Variants in SNTB2 observed in about 807,000 individuals in gnomAD.
The protein encoded by SNTB2 is beta-2-syntrophin.
Under a neutral mutation model 46.2 loss-of-function variants are expected in SNTB2, and 34 were observed. The ratio of observed to expected loss-of-function variants is 0.74; its 90% CI spans 0.56 to 0.98. The LOEUF (loss-of-function observed/expected upper bound fraction) is 0.98, where lower values mean the gene tolerates loss of function less well. Among genes scored for constraint, SNTB2 ranks in the 50% least tolerant of loss-of-function variants. SNTB2 has a pLI of 0.00. For synonymous variants in SNTB2, 290 were observed against 312.6 expected (o/e 0.93, Z 0.76); for missense variants, 603 against 731.4 (o/e 0.82, Z 2.02).
chr16:69,280,474 G>C (rs1965029542), intron 4 of SNTB2, among the ~76,000 whole-genome samples: 1 of 150,106 alleles, frequency 6.7e-6, no homozygotes, highest in Admixed American at 6.6e-5. Context: ...GGACGGGGCG[G>C]CTGGCTGGGC....
intron 1 of SNTB2, among the ~76,000 whole-genome samples, chr16:69,218,645 TCTC>T (rs1964371917): frequency 6.6e-6 from 1 of 152,056 alleles, no homozygotes; most frequent in Admixed American, 6.6e-5. Context: ...ATGGTCTTGA[TCTC>T]CTGACCTCGT....
intron 3 of SNTB2, among the ~76,000 whole-genome samples, chr16:69,261,664 A>G (rs1431387399): frequency 2.0e-5 from 3 of 152,056 alleles, no homozygotes; most frequent in Admixed American, 6.6e-5. Context: ...CATTGTTTCT[A>G]TATTTTATAT....
chr16:69,199,041 C>T (rs148714779), intron 1 of SNTB2, among the ~76,000 whole-genome samples: 3,495 of 151,800 alleles, frequency 0.023, 134 homozygotes, highest in African/African-American at 0.08. Context: ...GGATTACAGG[C>T]GCACGCCACC....
chr16:69,209,006 C>A (rs1384957113), intron 1 of SNTB2, among the ~76,000 whole-genome samples: 1 of 145,714 alleles, frequency 6.9e-6, no homozygotes, highest in Non-Finnish European at 1.5e-5. Flanking sequence ...GAGATGGAGT[C>A]TCACTCTATC....
chr16:69,281,555 G>A (rs1414413798), intron 4 of SNTB2, among the ~76,000 whole-genome samples: 7 of 145,570 alleles, frequency 4.8e-5, no homozygotes, highest in Non-Finnish European at 1.0e-4. Context: ...TTGTTGAAAA[G>A]ACAGACGATT....
chr16:69,294,708 G>C (rs1159312369), intron 5 of SNTB2, among the ~76,000 whole-genome samples: 1 of 152,098 alleles, frequency 6.6e-6, no homozygotes, highest in Non-Finnish European at 1.5e-5. Context: ...ACTCCAGCCT[G>C]GGCGACAGAG....
At chr16:69,235,843 A>C in intron 1 of SNTB2, 7 of 1,289,266 alleles carry the variant, frequency 5.4e-6, no homozygotes, top group Non-Finnish European at 7.1e-6. Flanking sequence ...GGTGAGTTTG[A>C]ACCCGTTAGC....
At chr16:69,241,592 G>A (rs928315877) in intron 1 of SNTB2, among the ~76,000 whole-genome samples, 2 of 149,860 alleles carry the variant, frequency 1.3e-5, no homozygotes, top group Non-Finnish European at 3.0e-5. Flanking sequence ...TTGGCAAGCA[G>A]TCTGGCCAAC....
intron 1 of SNTB2, among the ~76,000 whole-genome samples, chr16:69,228,591 T>G (rs970566394): frequency 1.8e-4 from 27 of 152,072 alleles, no homozygotes; most frequent in African/African-American, 6.0e-4. Context: ...TCACAACGTT[T>G]GTAATTGGCA....
intron 1 of SNTB2, among the ~76,000 whole-genome samples, chr16:69,202,394 CTG>C (rs1420984229): frequency 4.0e-5 from 6 of 148,728 alleles, no homozygotes; most frequent in African/African-American, 1.3e-4. Flanking sequence ...ACTTTATGAA[CTG>C]TTAGAATTTT....
chr16:69,218,835 T>G (rs547964087), intron 1 of SNTB2, among the ~76,000 whole-genome samples: 1 of 152,342 alleles, frequency 6.6e-6, no homozygotes. Context: ...ATAATAAGGT[T>G]GTTTATCTCA....
At chr16:69,265,827 AAAG>A in intron 3 of SNTB2, among the ~76,000 whole-genome samples, 1 of 148,732 alleles carries the variant, frequency 6.7e-6, no homozygotes, top group Non-Finnish European at 1.5e-5. Context: ...TCTCCGTGCC[AAAG>A]AAAAAAAAAA....
intron 4 of SNTB2, 103 bp from the exon 5 acceptor site, chr16:69,283,945 G>A: frequency 2.8e-6 from 3 of 1,069,436 alleles, no homozygotes; most frequent in Non-Finnish European, 4.1e-6. Context: ...TCCAAAAACT[G>A]CTGATTGCTT....
At chr16:69,262,436 C>T (rs1184104772) in intron 3 of SNTB2, among the ~76,000 whole-genome samples, 1 of 151,114 alleles carries the variant, frequency 6.6e-6, no homozygotes, top group Non-Finnish European at 1.5e-5. Context: ...CTGATTTTAC[C>T]GTTTAACTGG....
intron 2 of SNTB2, among the ~76,000 whole-genome samples, chr16:69,259,236 A>ATTTTTTT (rs58387978): frequency 8.7e-5 from 6 of 69,188 alleles, no homozygotes; most frequent in South Asian, 4.4e-4. Flanking sequence ...GGTCTTTCTG[A>ATTTTTTT]TTTTTTTTTT....
chr16:69,283,753 T>C (rs1965072669), intron 4 of SNTB2, among the ~76,000 whole-genome samples: 1 of 152,242 alleles, frequency 6.6e-6, no homozygotes, highest in African/African-American at 2.4e-5. Context: ...CCCAGTATCT[T>C]GGCCAGGCCC....
At chr16:69,233,446 G>T (rs991387804) in intron 1 of SNTB2, among the ~76,000 whole-genome samples, 2 of 152,064 alleles carry the variant, frequency 1.3e-5, no homozygotes, top group Non-Finnish European at 2.9e-5. Context: ...AAGATTGGGT[G>T]GGTATATATA....
intron 3 of SNTB2, among the ~76,000 whole-genome samples, chr16:69,264,953 A>T (rs570487742): frequency 2.0e-5 from 3 of 152,220 alleles, no homozygotes; most frequent in Non-Finnish European, 4.4e-5. Flanking sequence ...GATTACGATT[A>T]AAATTACATC....
chr16:69,253,652 A>G (rs1459484330), intron 2 of SNTB2, among the ~76,000 whole-genome samples: 2 of 152,118 alleles, frequency 1.3e-5, no homozygotes, highest in Admixed American at 1.3e-4. Context: ...CTGTCTCAAA[A>G]ACAAAAACAA....
Sources: allele counts gnomAD v4.1 joint callset (sites outside exome capture counted in the v4.1 genomes callset), GRCh38; gene constraint gnomAD v4.1.1; transcripts MANE v1.5; gene names NCBI Gene and HGNC (gene_info 2026-07-23, HGNC 2026-07-21).